The following VPS13C variants were observed in gnomAD, a reference collection of about 807,000 sequenced individuals.
VPS13C encodes intermembrane lipid transfer protein VPS13C.
A neutral mutation model predicts 456.8 loss-of-function variants in VPS13C; 358 were observed. That is an observed-to-expected ratio of 0.78 (90% CI 0.72 to 0.86). The LOEUF (loss-of-function observed/expected upper bound fraction) is 0.86, where lower values mean the gene tolerates loss of function less well. VPS13C is among the 40% of genes least tolerant of loss of function. VPS13C has a pLI of 0.00. For synonymous variants in VPS13C, 1,578 were observed against 1,486.7 expected, an observed-to-expected ratio of 1.06 and a Z score of -1.41; for missense variants, 4,818 against 4,385.4, an observed-to-expected ratio of 1.10 and a Z score of -2.79.
At chr15:62,004,084 C>CAG (rs1342378347) in intron 15 of VPS13C, among the ~76,000 whole-genome samples, 2 of 151,864 alleles carry the variant, frequency 1.3e-5, no homozygotes, top group African/African-American at 4.8e-5. Flanking sequence ...GGAATAGTTT[C>CAG]AGAAGGAATG....
intron 1 of VPS13C, among the ~76,000 whole-genome samples, chr15:62,059,221 T>C (rs2048906037): frequency 6.6e-6 from 1 of 152,224 alleles, no homozygotes; most frequent in Non-Finnish European, 1.5e-5. Flanking sequence ...TTTTAATTCA[T>C]ACAGCAAGTC....
chr15:61,864,754 T>C, intron 81 of VPS13C: 1 of 985,508 alleles, frequency 1.0e-6, no homozygotes, highest in Non-Finnish European at 1.2e-6. Flanking sequence ...TTCACAGCAA[T>C]AGCTACTTGT....
chr15:61,865,514 T>C (rs959713019), intron 81 of VPS13C: 8 of 961,000 alleles, frequency 8.3e-6, no homozygotes, highest in African/African-American at 1.8e-5. Context: ...TAAATGACTA[T>C]ATATACATAC....
rs66786972 is a variant in VPS13C, at chr15:61,961,394, AACAC to A, written c.3908+191_3908+194del. ...GTGACAGACCAAGACTCCAACTCAA[AACAC>A]ACACACACACACACACACACACACA... On this transcript the variant is annotated intron_variant, in intron 35 of 84. Transcript: ENST00000644861. 0.06 allele frequency among the ~76,000 whole-genome samples: 7,969 copies of A among 132,538 alleles called. 316 individuals carry two copies. Among genetic ancestry groups the A allele is most frequent in the African/African-American group, 0.078 (2,648 of 33,774 alleles). 87.0% of individuals were successfully genotyped at this position (132,538 alleles called of 152,430 possible).
At chr15:62,031,206 T>C (rs2047808098) in intron 5 of VPS13C, among the ~76,000 whole-genome samples, 1 of 152,058 alleles carries the variant, frequency 6.6e-6, no homozygotes, top group Non-Finnish European at 1.5e-5. Flanking sequence ...ACAAGCTAAG[T>C]CAAAATCCTT....
rs555838189 is a variant in VPS13C, at chr15:62,019,544, G to GCA, written c.684+933_684+934dup. Among the ~76,000 whole-genome samples the GCA allele has an allele frequency of 5.7e-4, 86 of 152,098 alleles. 1 individual carries two copies. The highest frequency in any genetic ancestry group is 2.0e-3 in the African/African-American group (84 of 41,500). The stretch of plus-strand genomic sequence containing the variant: ...TTTATTTCTGCCTTCATTTCGTTAT[G>GCA]CACCCAGTAGTCATTCAGGAGAAGG... On this transcript the variant is annotated intron_variant, in intron 9 of 84. Transcript: ENST00000644861.
At chr15:61,901,879 T>C (rs2043008479) in intron 66 of VPS13C, among the ~76,000 whole-genome samples, 2 of 151,986 alleles carry the variant, frequency 1.3e-5, no homozygotes, top group Non-Finnish European at 2.9e-5. Context: ...CCAACAATGA[T>C]AGACTGGATT....
chr15:61,882,471 GAA>G lies in VPS13C; in HGVS notation c.9624+123_9624+124del, dbSNP rs1009419994. 3 of 1,009,684 alleles carry G rather than the reference GAA, an allele frequency of 3.0e-6. No individual in the cohort carries two copies. In the East Asian group the frequency reaches 9.6e-5, roughly 32 times the overall value. The allele number at this position is 1,009,684 out of a possible 1,614,324, so 62.5% of individuals were successfully genotyped here. A position where few individuals can be genotyped will look rare whatever the true frequency, so the allele number is the denominator to read the frequency against. On this transcript the variant is annotated intron_variant, in intron 69 of 84. Transcript: ENST00000644861. ...ATAAACAGGATATGTGGAAAAAGGG[GAA>G]AAAACATACAAACAAAGAAAAGATA...
At chr15:61,916,369 T>C (rs1040594464) in intron 60 of VPS13C, among the ~76,000 whole-genome samples, 9 of 152,194 alleles carry the variant, frequency 5.9e-5, no homozygotes, top group African/African-American at 2.2e-4. Flanking sequence ...TGCCTGGCCT[T>C]CAGTTTTATC....
At chr15:61,900,738 T>C (rs2042971834) in intron 66 of VPS13C, among the ~76,000 whole-genome samples, 1 of 151,480 alleles carries the variant, frequency 6.6e-6, no homozygotes, top group African/African-American at 2.4e-5. Flanking sequence ...ATGCCTTTCT[T>C]CACAGAATTG....
intron 66 of VPS13C, among the ~76,000 whole-genome samples, chr15:61,899,402 T>A (rs998935100): frequency 6.6e-6 from 1 of 150,980 alleles, no homozygotes; most frequent in Non-Finnish European, 1.5e-5. Flanking sequence ...ATAGACGCAA[T>A]AAAAAATGAT....
At chr15:61,997,699 A>G (rs2046436811) in intron 16 of VPS13C, among the ~76,000 whole-genome samples, 1 of 152,166 alleles carries the variant, frequency 6.6e-6, no homozygotes, top group South Asian at 2.1e-4. Context: ...GTCAGTCAGG[A>G]AATACTGGCT....
chr15:62,028,552 G>T, intron 5 of VPS13C, 132 bp from the exon 6 acceptor site: 2 of 837,100 alleles, frequency 2.4e-6, no homozygotes, highest in African/African-American at 3.4e-5. Flanking sequence ...AAAATTTGGT[G>T]ACACCAAAAC....
intron 23 of VPS13C, 52 bp from the exon 24 acceptor site, chr15:61,977,251 A>T: frequency 9.6e-7 from 1 of 1,036,966 alleles, no homozygotes; most frequent in Non-Finnish European, 1.4e-6. Context: ...ACAGCCATGG[A>T]ACATGGATAA....
chr15:61,906,224 A>C (rs1324602275), intron 66 of VPS13C, among the ~76,000 whole-genome samples: 2 of 152,172 alleles, frequency 1.3e-5, no homozygotes, highest in Non-Finnish European at 2.9e-5. Flanking sequence ...TGATCAACTG[A>C]GTGGACAAGG....
At chr15:61,978,145 ATATC>A (rs1335424073) in intron 23 of VPS13C, among the ~76,000 whole-genome samples, 2 of 152,108 alleles carry the variant, frequency 1.3e-5, no homozygotes, top group African/African-American at 4.8e-5. Context: ...TATTAAGACT[ATATC>A]TACTATTCTG....
intron 3 of VPS13C, among the ~76,000 whole-genome samples, chr15:62,038,572 G>C (rs1303851224): frequency 6.6e-6 from 1 of 152,150 alleles, no homozygotes; most frequent in East Asian, 1.9e-4. Context: ...GGGCAACAGA[G>C]CAAGACTTTG....
At chr15:61,949,300 G>C in intron 42 of VPS13C, 143 bp downstream of exon 42, 2 of 890,866 alleles carry the variant, frequency 2.2e-6, no homozygotes, top group Non-Finnish European at 3.4e-6. Flanking sequence ...ATCCCATAGA[G>C]ATAACATTTT....
At chr15:62,001,002 T>C (rs983010533) in intron 15 of VPS13C, among the ~76,000 whole-genome samples, 1 of 152,336 alleles carries the variant, frequency 6.6e-6, no homozygotes, top group African/African-American at 2.4e-5. Context: ...ATAGCCATTG[T>C]ACTAACGGTG....
Sources: allele counts gnomAD v4.1 joint callset (sites outside exome capture counted in the v4.1 genomes callset), GRCh38; gene constraint gnomAD v4.1.1; transcripts MANE v1.5; gene names NCBI Gene and HGNC (gene_info 2026-07-23, HGNC 2026-07-21).